The following FRMPD4 variants were observed in gnomAD, a reference collection of about 807,000 sequenced individuals.
FRMPD4 encodes the protein FERM and PDZ domain-containing protein 4.
A neutral mutation model predicts 94.1 loss-of-function variants in FRMPD4; 22 were observed. The ratio of observed to expected loss-of-function variants is 0.23; its 90% CI spans 0.17 to 0.33. The LOEUF (loss-of-function observed/expected upper bound fraction) is 0.33, where lower values mean the gene tolerates loss of function less well. FRMPD4 is among the 10% of genes least tolerant of loss of function. The pLI is 1.00. For missense variants in FRMPD4, 1,111 were observed against 1,339.9 expected (o/e 0.83, Z 2.67); for synonymous variants, 631 against 548.6 (o/e 1.15, Z -2.10).
chrX:12,160,020 G>A (rs148227457), intron 1 of FRMPD4, among the ~76,000 whole-genome samples: 43 of 110,288 alleles, frequency 3.9e-4, no homozygotes, highest in African/African-American at 1.2e-3. Context: ...GGGAACAGGC[G>A]TGGCTCCTAA....
At chrX:12,240,629 A>G (rs896128191) in intron 1 of FRMPD4, among the ~76,000 whole-genome samples, 3 of 112,514 alleles carry the variant, frequency 2.7e-5, no homozygotes, top group African/African-American at 9.7e-5. Flanking sequence ...GCATAGTCAC[A>G]AAATGAAAGA....
rs1166364733 is a variant in FRMPD4 at position 12,459,672 on chromosome X, A to G, written c.42-39008A>G. ...CAGTGGTATTCCATACTATAGATAT[A>G]CCATAATTTGTTTATTCATTCAGAG... On this transcript the variant is annotated intron_variant, in intron 1 of 16. Coordinates refer to ENST00000675598, the MANE Select transcript of FRMPD4 (RefSeq NM_001368397.1). Among the ~76,000 whole-genome samples, 4 of 112,059 alleles carry G rather than the reference A, an allele frequency of 3.6e-5. No individual in the cohort carries two copies. In the East Asian group the frequency reaches 1.1e-3, roughly 31 times the overall value.
chrX:12,362,566 T>C (rs2056009339), intron 1 of FRMPD4, among the ~76,000 whole-genome samples: 1 of 111,602 alleles, frequency 9.0e-6, no homozygotes, highest in South Asian at 3.7e-4. Flanking sequence ...TAGTATTCCA[T>C]GGTGTATATG....
chrX:11,931,897 G>A (rs957614981), intron 3 of FRMPD4, among the ~76,000 whole-genome samples: 6 of 112,120 alleles, frequency 5.4e-5, no homozygotes, highest in African/African-American at 1.3e-4. Context: ...AGAGTTGGCC[G>A]TGTTTCAGCA....
At chrX:12,523,850 G>GAA (rs781135374) in intron 2 of FRMPD4, among the ~76,000 whole-genome samples, 47 of 92,083 alleles carry the variant, frequency 5.1e-4, no homozygotes, top group African/African-American at 1.7e-3. Flanking sequence ...GAATAATTGG[G>GAA]AAAAAAAAAA....
intron 3 of FRMPD4, among the ~76,000 whole-genome samples, chrX:12,091,494 T>G (rs767336382): frequency 8.9e-6 from 1 of 112,577 alleles, no homozygotes; most frequent in East Asian, 2.8e-4. Flanking sequence ...TGGGCTAGAT[T>G]TGACCTATTG....
intron 4 of FRMPD4, among the ~76,000 whole-genome samples, chrX:12,651,961 T>C (rs1232626138): frequency 2.7e-5 from 3 of 112,467 alleles, no homozygotes; most frequent in Admixed American, 1.9e-4. Flanking sequence ...CAAATTTGTA[T>C]TGGGTTCAAA....
At chrX:12,220,550 C>A (rs1180056635) in intron 1 of FRMPD4, among the ~76,000 whole-genome samples, 1 of 112,000 alleles carries the variant, frequency 8.9e-6, no homozygotes, top group African/African-American at 3.2e-5. Flanking sequence ...TGAGAAGCGG[C>A]TTATATTTCT....
chrX:12,202,247 G>A (rs1021910691), intron 1 of FRMPD4, among the ~76,000 whole-genome samples: 7 of 111,850 alleles, frequency 6.3e-5, no homozygotes, highest in African/African-American at 2.3e-4. Context: ...GATTAAGATA[G>A]CATCAATAAT....
At chrX:11,988,100 AT>A (rs2054442825) in intron 3 of FRMPD4, among the ~76,000 whole-genome samples, 1 of 112,018 alleles carries the variant, frequency 8.9e-6, no homozygotes, top group African/African-American at 3.2e-5. Context: ...TAACATTTAC[AT>A]GAAACCACAA....
At chrX:12,253,050 T>C (rs1413142914) in intron 1 of FRMPD4, among the ~76,000 whole-genome samples, 1 of 112,023 alleles carries the variant, frequency 8.9e-6, no homozygotes, top group East Asian at 2.8e-4. Context: ...AAAAATGTCA[T>C]GTAGGTGAGG....
chrX:11,854,280 C>T (rs1001098109), intron 1 of FRMPD4, among the ~76,000 whole-genome samples: 8 of 111,689 alleles, frequency 7.2e-5, no homozygotes, highest in African/African-American at 2.3e-4. Context: ...ATGGGAACTA[C>T]AATTCAAAAT....
intron 3 of FRMPD4, among the ~76,000 whole-genome samples, chrX:11,935,072 ATTTTTTT>A (rs753999126): frequency 2.5e-5 from 1 of 40,239 alleles, no homozygotes; most frequent in Admixed American, 3.2e-4. Flanking sequence ...ACTATTGGTG[ATTTTTTT>A]TTTTTTTTTT....
At chrX:12,385,250 A>G (rs1489929359) in intron 1 of FRMPD4, among the ~76,000 whole-genome samples, 1 of 112,809 alleles carries the variant, frequency 8.9e-6, no homozygotes, top group Non-Finnish European at 1.9e-5. Flanking sequence ...GCTAACATCT[A>G]TTGGTTATCA....
At chrX:12,474,322 G>A (rs996580056) in intron 1 of FRMPD4, among the ~76,000 whole-genome samples, 15 of 110,761 alleles carry the variant, frequency 1.4e-4, no homozygotes, top group African/African-American at 2.0e-4. Context: ...TGTGTAGAGG[G>A]AAATTTACAG....
At chrX:12,230,793 C>T (rs771335511) in intron 1 of FRMPD4, among the ~76,000 whole-genome samples, 3 of 100,282 alleles carry the variant, frequency 3.0e-5, no homozygotes, top group East Asian at 3.1e-4. Context: ...ATTCAAAGAA[C>T]TTTACCAACA....
At position 12,704,371 on chromosome X, in the gene FRMPD4, A is replaced by G. The variant is rs1375520174; in HGVS notation, c.1083A>G (p.Gly361=). ...CTCTTTATTGCAGAAAAGAATGGGG[A>G]TTAGAGACTTTTCTTCCCTCTGCTG... ...ISLKYIEKEW[G]LETFLPSAVL... is the part of the protein sequence containing the mutation. The change falls in exon 11 of 17, where the codon GGA becomes GGG. Residue 361 remains glycine, a synonymous_variant. Transcript: ENST00000675598. 2 of 1,173,874 alleles carry G rather than the reference A, an allele frequency of 1.7e-6. No individual in the cohort carries two copies. Among genetic ancestry groups the G allele is most frequent in the Non-Finnish European group, 2.3e-6 (2 of 871,339 alleles).
intron 1 of FRMPD4, among the ~76,000 whole-genome samples, chrX:12,173,095 GCCAAGC>G (rs1428544239): frequency 8.9e-6 from 1 of 112,563 alleles, no homozygotes. Context: ...CATACTTCGG[GCCAAGC>G]CCAAGCTCAA....
intron 3 of FRMPD4, among the ~76,000 whole-genome samples, chrX:12,064,962 T>C (rs1184633309): frequency 8.9e-6 from 1 of 112,021 alleles, no homozygotes; most frequent in African/African-American, 3.2e-5. Context: ...GTACACAGAA[T>C]CCATATGATT....
Sources: allele counts gnomAD v4.1 joint callset (sites outside exome capture counted in the v4.1 genomes callset), GRCh38; gene constraint gnomAD v4.1.1; transcripts MANE v1.5; gene names NCBI Gene and HGNC (gene_info 2026-07-23, HGNC 2026-07-21).